The following FAAH2 variants were observed in gnomAD, a reference collection of about 807,000 sequenced individuals.
FAAH2 encodes fatty-acid amide hydrolase 2.
In FAAH2, 60 loss-of-function variants were observed where a neutral mutation model predicts 36.9. The ratio of observed to expected loss-of-function variants is 1.63; its 90% confidence interval spans 1.32 to 2.02. FAAH2 has a LOEUF of 2.02. Among genes scored for constraint, FAAH2 ranks in the 30% most tolerant of loss-of-function variants. The probability of loss-of-function intolerance (pLI) is 0.00; values close to 1 mark genes in which losing one functional copy is unlikely to be tolerated. For missense variants in FAAH2, 689 were observed against 397.5 expected (o/e 1.73, Z -6.23); for synonymous variants, 214 against 143.8 (o/e 1.49, Z -3.49).
the FAAH2 span, among the ~76,000 whole-genome samples, chrX:57,149,482 T>G: frequency 1.8e-5 from 2 of 111,721 alleles, no homozygotes; most frequent in Non-Finnish European, 3.8e-5. Context: ...TGGTTTAGTC[T>G]TGGGAGGGTG....
At chrX:57,306,994 G>GATATATATATATAT (rs770040896) in intron 2 of FAAH2, among the ~76,000 whole-genome samples, 343 of 30,981 alleles carry the variant, frequency 0.011, 119 homozygotes, top group South Asian at 0.033. Flanking sequence ...CACACACACA[G>GATATATATATATAT]ATACATATAT....
intron 10 of FAAH2, among the ~76,000 whole-genome samples, chrX:57,471,382 A>G (rs1458937518): frequency 8.9e-6 from 1 of 112,470 alleles, no homozygotes; most frequent in South Asian, 3.7e-4. Context: ...TAAGCTGATA[A>G]GCAACTTCAG....
At position 57,395,477 on chromosome X, in the gene FAAH2, T is replaced by C. The variant is rs944318883; in HGVS notation, c.996+14448T>C. ...CCTGTTCAGTTCTTAGGAGGAATGC[T>C]TTAACCTTATCCTCATTCAGTATGA... On this transcript the variant is annotated intron_variant, in intron 7 of 10. Coordinates refer to ENST00000374900, the MANE Select transcript of FAAH2 (RefSeq NM_174912.4). The C allele has an allele frequency of 1.1e-5, 5 of 456,801 alleles. No individual in the cohort carries two copies. The African/African-American group carries it at 1.2e-4, about 11-fold the overall frequency. 37.6% of individuals were successfully genotyped at this position (456,801 alleles called of 1,213,427 possible).
chrX:57,268,683 G>A, the FAAH2 span, among the ~76,000 whole-genome samples: 1 of 111,380 alleles, frequency 9.0e-6, no homozygotes, highest in Non-Finnish European at 1.9e-5. Context: ...ATAAAAGATT[G>A]GGTGTCAATA....
chrX:57,299,127 CA>C (rs1242426984), intron 2 of FAAH2, among the ~76,000 whole-genome samples: 1 of 111,292 alleles, frequency 9.0e-6, no homozygotes, highest in African/African-American at 3.3e-5. Flanking sequence ...ATCCTGCTAC[CA>C]AAGCCTGACA....
chrX:57,358,020 G>A (rs754868403), intron 5 of FAAH2, among the ~76,000 whole-genome samples: 22 of 111,131 alleles, frequency 2.0e-4, no homozygotes, highest in African/African-American at 6.2e-4. Flanking sequence ...AAAAGGATAC[G>A]TTTATGTCTT....
the FAAH2 span, chrX:57,135,415 A>C: frequency 1.2e-5 from 2 of 160,593 alleles, no homozygotes; most frequent in Non-Finnish European, 2.3e-5. Context: ...GCCCTTTTCC[A>C]CCTCTTCCTA....
At chrX:57,405,132 A>C (rs1057090808) in intron 7 of FAAH2, among the ~76,000 whole-genome samples, 1 of 111,657 alleles carries the variant, frequency 9.0e-6, no homozygotes, top group African/African-American at 3.3e-5. Flanking sequence ...GAAGGATAGG[A>C]CAGAATAGCA....
At chrX:57,304,958 A>G (rs1220374042) in intron 2 of FAAH2, among the ~76,000 whole-genome samples, 1 of 111,681 alleles carries the variant, frequency 9.0e-6, no homozygotes, top group African/African-American at 3.2e-5. Flanking sequence ...TCTTGAAGTC[A>G]TTGCTACCTT....
chrX:57,195,101 A>T, the FAAH2 span, among the ~76,000 whole-genome samples: 3 of 111,051 alleles, frequency 2.7e-5, no homozygotes, highest in African/African-American at 9.8e-5. Context: ...TTCACTAATG[A>T]CTTCTTTCTC....
chrX:57,367,616 ACT>A (rs1434938029), intron 5 of FAAH2, among the ~76,000 whole-genome samples: 2 of 112,107 alleles, frequency 1.8e-5, no homozygotes, highest in African/African-American at 3.2e-5. Context: ...AGTAGCAGAG[ACT>A]CTGTGGAACA....
chrX:57,144,101 G>A, the FAAH2 span, among the ~76,000 whole-genome samples: 1 of 112,009 alleles, frequency 8.9e-6, no homozygotes. Flanking sequence ...TCAGCTTTCA[G>A]TTTTTTCCTT....
intron 7 of FAAH2, chrX:57,393,011 G>A (rs2055203435): frequency 1.1e-6 from 1 of 902,696 alleles, no homozygotes; most frequent in African/African-American, 1.9e-5. Flanking sequence ...AAAGGAGTTG[G>A]AAGCTGCTGG....
At chrX:57,458,194 G>C (rs953481108) in intron 10 of FAAH2, among the ~76,000 whole-genome samples, 2 of 112,027 alleles carry the variant, frequency 1.8e-5, no homozygotes, top group East Asian at 5.6e-4. Context: ...AAGCAATGGA[G>C]GAAAGGACTC....
chrX:57,202,603 G>T, the FAAH2 span, among the ~76,000 whole-genome samples: 1 of 111,572 alleles, frequency 9.0e-6, no homozygotes, highest in Admixed American at 9.5e-5. Context: ...GCACAGCACT[G>T]GTTCTTGCCC....
At chrX:57,270,053 C>T in the FAAH2 span, among the ~76,000 whole-genome samples, 10 of 111,302 alleles carry the variant, frequency 9.0e-5, no homozygotes, top group East Asian at 2.8e-4. Context: ...CCACTGACCC[C>T]GCAGAAATAA....
the FAAH2 span, among the ~76,000 whole-genome samples, chrX:57,268,779 C>A: frequency 1.8e-5 from 2 of 111,836 alleles, no homozygotes; most frequent in Admixed American, 9.5e-5. Context: ...CCCACCACTA[C>A]AAAAACACAC....
intron 8 of FAAH2, among the ~76,000 whole-genome samples, chrX:57,443,775 C>T (rs971380877): frequency 2.7e-5 from 3 of 111,836 alleles, no homozygotes; most frequent in Admixed American, 9.5e-5. Flanking sequence ...ATGATGGTGA[C>T]GTACAGATGG....
intron 7 of FAAH2, among the ~76,000 whole-genome samples, chrX:57,405,819 G>C (rs972618421): frequency 3.0e-5 from 3 of 101,675 alleles, no homozygotes; most frequent in Non-Finnish European, 6.0e-5. Context: ...AGAAGTTCTG[G>C]TTTTTCAATA....
Sources: allele counts gnomAD v4.1 joint callset (sites outside exome capture counted in the v4.1 genomes callset), GRCh38; gene constraint gnomAD v4.1.1; transcripts MANE v1.5; gene names NCBI Gene and HGNC (gene_info 2026-07-23, HGNC 2026-07-21).